ARK2C: variants seen among roughly 807,000 people sequenced by gnomAD.
The protein encoded by ARK2C is arkadia (RNF111) C-terminal like ring finger ubiquitin ligase 2C.
chr18:46,416,060 T>C, the ARK2C span, among the ~76,000 whole-genome samples: 3 of 152,116 alleles, frequency 2.0e-5, no homozygotes, highest in Non-Finnish European at 4.4e-5. Flanking sequence ...CTAATTAACA[T>C]GTCATGGGGG....
At chr18:46,364,923 G>C in the ARK2C span, among the ~76,000 whole-genome samples, 1 of 152,144 alleles carries the variant, frequency 6.6e-6, no homozygotes. Flanking sequence ...CCCTGACCCA[G>C]GTCTCAGGAG....
chr18:46,350,631 T>G, the ARK2C span, among the ~76,000 whole-genome samples: 1 of 152,060 alleles, frequency 6.6e-6, no homozygotes, highest in Non-Finnish European at 1.5e-5. Flanking sequence ...TCTGCTGGCG[T>G]TCCTCCTGCC....
At chr18:46,347,401 C>T in the ARK2C span, among the ~76,000 whole-genome samples, 7 of 152,246 alleles carry the variant, frequency 4.6e-5, no homozygotes, top group African/African-American at 1.7e-4. Context: ...TCCTGCCCCT[C>T]TGCCCAGCCG....
At chr18:46,355,931 C>A in the ARK2C span, among the ~76,000 whole-genome samples, 2 of 152,136 alleles carry the variant, frequency 1.3e-5, no homozygotes, top group East Asian at 3.9e-4. Flanking sequence ...GATGATGATG[C>A]AGATGGGCCT....
At chr18:46,342,355 G>A in the ARK2C span, among the ~76,000 whole-genome samples, 1 of 152,224 alleles carries the variant, frequency 6.6e-6, no homozygotes, top group East Asian at 1.9e-4. Context: ...ATAGCTGGTG[G>A]GACCGATTCT....
the ARK2C span, among the ~76,000 whole-genome samples, chr18:46,376,759 C>A: frequency 6.2e-3 from 932 of 150,768 alleles, 8 homozygotes; most frequent in African/African-American, 0.021. Context: ...CAACATCCGC[C>A]TCCCAGGTTC....
chr18:46,435,221 C>T, the ARK2C span: 1 of 1,438,658 alleles, frequency 7.0e-7, no homozygotes, highest in African/African-American at 1.4e-5. Context: ...CCCGGTTTCT[C>T]AGAGCTCTTG....
the ARK2C span, among the ~76,000 whole-genome samples, chr18:46,422,409 G>A: frequency 5.3e-5 from 8 of 152,218 alleles, no homozygotes; most frequent in Non-Finnish European, 1.2e-4. Flanking sequence ...GAAGATACAG[G>A]AAACAAGATT....
the ARK2C span, chr18:46,337,063 C>T: frequency 1.1e-3 from 1,116 of 985,274 alleles, 1 homozygote; most frequent in Non-Finnish European, 1.2e-3. Flanking sequence ...CTTTAACAGC[C>T]GGCTCCCTTC....
chr18:46,439,400 C>A, the ARK2C span, among the ~76,000 whole-genome samples: 37 of 152,266 alleles, frequency 2.4e-4, no homozygotes, highest in Non-Finnish European at 1.5e-4. Context: ...GTCTCAGAGT[C>A]CCATGCCTCC....
At chr18:46,404,771 C>G in the ARK2C span, among the ~76,000 whole-genome samples, 1 of 150,282 alleles carries the variant, frequency 6.7e-6, no homozygotes, top group Admixed American at 6.6e-5. Flanking sequence ...CACACACAAA[C>G]ACACACACAC....
At chr18:46,430,350 A>C in the ARK2C span, among the ~76,000 whole-genome samples, 8 of 152,096 alleles carry the variant, frequency 5.3e-5, no homozygotes, top group Non-Finnish European at 1.0e-4. Flanking sequence ...TCTGACCTTC[A>C]TGGGACCTGT....
the ARK2C span, among the ~76,000 whole-genome samples, chr18:46,434,834 T>C: frequency 6.6e-6 from 1 of 152,034 alleles, no homozygotes; most frequent in East Asian, 1.9e-4. Context: ...GGAGGAAGGC[T>C]TTGACCTGTG....
At chr18:46,419,539 C>A in the ARK2C span, among the ~76,000 whole-genome samples, 1,320 of 152,324 alleles carry the variant, frequency 8.7e-3, 14 homozygotes, top group African/African-American at 0.03. Flanking sequence ...GGCACAATCT[C>A]GGCCTGAGGG....
chr18:46,337,473 T>G, the ARK2C span: 1 of 985,454 alleles, frequency 1.0e-6, no homozygotes, highest in Non-Finnish European at 1.2e-6. Flanking sequence ...TGAAACGTAC[T>G]GTGGTCGTGT....
At chr18:46,375,893 A>C in the ARK2C span, among the ~76,000 whole-genome samples, 1 of 152,200 alleles carries the variant, frequency 6.6e-6, no homozygotes, top group Admixed American at 6.5e-5. Flanking sequence ...GGGAAATAGC[A>C]AAACAGGTTC....
At chr18:46,341,176 G>A in the ARK2C span, among the ~76,000 whole-genome samples, 1 of 145,046 alleles carries the variant, frequency 6.9e-6, no homozygotes, top group African/African-American at 2.6e-5. Flanking sequence ...GGCTTGAAGA[G>A]GTTTTGAAGC....
chr18:46,445,719 A>G, the ARK2C span, among the ~76,000 whole-genome samples: 121,574 of 152,132 alleles, frequency 0.8, 49,695 homozygotes, highest in African/African-American at 0.87. Flanking sequence ...GAGGTTGCAG[A>G]GCTCACCTCA....
At chr18:46,339,632 T>G in the ARK2C span, among the ~76,000 whole-genome samples, 3 of 152,258 alleles carry the variant, frequency 2.0e-5, no homozygotes, top group Non-Finnish European at 4.4e-5. Context: ...GTGAATCCTA[T>G]GTCATAGGCT....
Sources: gnomAD v4.1 joint callset for allele counts (sites outside exome capture counted in the v4.1 genomes callset) on GRCh38, gnomAD v4.1.1 for gene constraint, MANE v1.5 for transcripts, NCBI Gene and HGNC (gene_info 2026-07-23, HGNC 2026-07-21) for gene names.